The following ANGPT2 variants were observed in gnomAD, a reference collection of about 807,000 sequenced individuals.
ANGPT2 encodes the protein angiopoietin-2.
Under a neutral mutation model 62.9 loss-of-function variants are expected in ANGPT2, and 28 were observed. The ratio of observed to expected loss-of-function variants is 0.44; its 90% CI spans 0.33 to 0.61. The LOEUF is 0.61. ANGPT2 is among the 20% of genes least tolerant of loss of function. ANGPT2 has a pLI of 0.03. For missense variants in ANGPT2, 727 were observed against 594.9 expected, an observed-to-expected ratio of 1.22 and a Z score of -2.31; for synonymous variants, 284 against 207.8, an observed-to-expected ratio of 1.37 and a Z score of -3.15.
intron 1 of ANGPT2, among the ~76,000 whole-genome samples, chr8:6,542,616 T>C (rs1821821414): frequency 6.6e-6 from 1 of 151,800 alleles, no homozygotes; most frequent in African/African-American, 2.4e-5. Context: ...AAAAAAGTGC[T>C]GTCTGAGGAG....
At chr8:6,521,608 G>A (rs143896310) in intron 3 of ANGPT2, among the ~76,000 whole-genome samples, 198 bp from the exon 4 acceptor site, 48 of 152,308 alleles carry the variant, frequency 3.2e-4, no homozygotes, top group African/African-American at 1.1e-3. Context: ...ATATGTAAAC[G>A]TATAAGCATA....
At chr8:6,506,801 C>A (rs941308386) in intron 8 of ANGPT2, among the ~76,000 whole-genome samples, 4 of 149,176 alleles carry the variant, frequency 2.7e-5, no homozygotes, top group African/African-American at 9.9e-5. Context: ...TTTAATGAGG[C>A]CTGATTCTTT....
chr8:6,561,991 G>A (rs559889947), intron 1 of ANGPT2, among the ~76,000 whole-genome samples: 5 of 152,254 alleles, frequency 3.3e-5, no homozygotes, highest in South Asian at 2.1e-4. Flanking sequence ...TGGAACTGAC[G>A]GGGGCTGCAG....
intron 1 of ANGPT2, among the ~76,000 whole-genome samples, chr8:6,543,012 G>A (rs367956503): frequency 6.6e-6 from 1 of 152,190 alleles, no homozygotes; most frequent in Admixed American, 6.5e-5. Context: ...GAGCGGACTT[G>A]GGAATGCTGA....
chr8:6,555,465 C>CT (rs530250678), intron 1 of ANGPT2, among the ~76,000 whole-genome samples: 2,040 of 142,508 alleles, frequency 0.014, 30 homozygotes, highest in Middle Eastern at 0.03. Context: ...GTGGTTTGCC[C>CT]TTTTTTTTTT....
At chr8:6,516,461 C>T (rs1816292622) in intron 5 of ANGPT2, among the ~76,000 whole-genome samples, 1 of 152,146 alleles carries the variant, frequency 6.6e-6, no homozygotes, top group Admixed American at 6.5e-5. Flanking sequence ...CCACTGACAT[C>T]ATGCTGCCAA....
chr8:6,513,966 G>T, intron 6 of ANGPT2, 122 bp from the exon 7 acceptor site: 1 of 963,040 alleles, frequency 1.0e-6, no homozygotes, highest in Non-Finnish European at 1.5e-6. Context: ...TTCTGGTGCT[G>T]TGACAATTTA....
At chr8:6,546,971 G>A (rs996361543) in intron 1 of ANGPT2, among the ~76,000 whole-genome samples, 1 of 152,194 alleles carries the variant, frequency 6.6e-6, no homozygotes, top group Non-Finnish European at 1.5e-5. Context: ...GGTTAGTCCT[G>A]TCTTCTTTCA....
rs1812436139 is a variant in ANGPT2, at chr8:6,502,733, A to T, written c.*368T>A. On this transcript the variant is annotated 3_prime_UTR_variant, in exon 9 of 9. Coordinates refer to ENST00000629816, the MANE Select transcript of ANGPT2 (RefSeq NM_001118887.2). Reference sequence around the variant, plus strand: ...CTCAGAAGAATGCAGTTCCAAGATGATCTGTATTGTATAACATAAGTGTTC... The same window carrying T: ...CTCAGAAGAATGCAGTTCCAAGATGTTCTGTATTGTATAACATAAGTGTTC... The T allele has an allele frequency of 4.3e-6, 1 of 231,864 alleles. No individual in the cohort carries two copies. The highest frequency in any genetic ancestry group is 5.2e-5 in the Admixed American group (1 of 19,312). The allele number at this position is 231,864 out of a possible 1,614,324, so 14.4% of individuals were successfully genotyped here.
At chr8:6,516,560 C>G (rs903574704) in intron 5 of ANGPT2, among the ~76,000 whole-genome samples, 1 of 152,204 alleles carries the variant, frequency 6.6e-6, no homozygotes, top group African/African-American at 2.4e-5. Context: ...AATACTGCCT[C>G]TTATTTGCCT....
Position 6,562,936 on chromosome 8 carries a change from C to G in ANGPT2, c.-2G>C. ...AGTAAAGAAAACAATCTGCCACATT[C>G]TTTCTTCAGTAATAAACCAGCAGCT... On this transcript the variant is annotated 5_prime_UTR_variant, in exon 1 of 9. Coordinates refer to ENST00000629816, the MANE Select transcript of ANGPT2 (RefSeq NM_001118887.2). 4 of 1,581,046 alleles carry G rather than the reference C, an allele frequency of 2.5e-6. No individual in the cohort carries two copies. The highest frequency in any genetic ancestry group is 2.3e-5 in the East Asian group (1 of 44,158).
intron 7 of ANGPT2, among the ~76,000 whole-genome samples, chr8:6,512,600 C>A (rs3020216): frequency 0.37 from 55,794 of 151,968 alleles, 10,464 homozygotes; most frequent in Middle Eastern, 0.49. Flanking sequence ...CTCTGCCCCT[C>A]CCGTTGCACA....
chr8:6,542,759 C>A (rs1030841878), intron 1 of ANGPT2, among the ~76,000 whole-genome samples: 1 of 152,078 alleles, frequency 6.6e-6, no homozygotes, highest in Non-Finnish European at 1.5e-5. Flanking sequence ...GGGTGGAGCT[C>A]TGTGGAGGAG....
intron 7 of ANGPT2, among the ~76,000 whole-genome samples, chr8:6,510,968 CTG>C: frequency 6.6e-6 from 1 of 152,312 alleles, no homozygotes; most frequent in East Asian, 1.9e-4. Context: ...ATACTCATCT[CTG>C]TTGGGATTTT....
chr8:6,499,638 G>C lies in ANGPT2; in HGVS notation c.*3463C>G, dbSNP rs559024813. 5.6e-4 allele frequency: 284 copies of C among 510,318 alleles called. No homozygotes were observed. Among genetic ancestry groups the C allele is most frequent in the Non-Finnish European group, 8.9e-4 (253 of 284,096 alleles). 31.6% of individuals were successfully genotyped at this position (510,318 alleles called of 1,614,324 possible). On this transcript the variant is annotated 3_prime_UTR_variant, in exon 9 of 9. Coordinates refer to ENST00000629816, the MANE Select transcript of ANGPT2 (RefSeq NM_001118887.2). ...ATGAGAATAATGACTCAGATTTCTT[G>C]TTATCGTGAGACTTTTTCTCAATCA...
chr8:6,556,869 G>C (rs368793388), intron 1 of ANGPT2, among the ~76,000 whole-genome samples: 1 of 152,146 alleles, frequency 6.6e-6, no homozygotes, highest in Admixed American at 6.5e-5. Flanking sequence ...GATTACAGGT[G>C]TGAGGCACTG....
At chr8:6,543,362 C>G (rs563128400) in intron 1 of ANGPT2, among the ~76,000 whole-genome samples, 32 of 152,250 alleles carry the variant, frequency 2.1e-4, no homozygotes, top group African/African-American at 7.5e-4. Context: ...CGAACTGCTC[C>G]TCGTCTCCTG....
At chr8:6,514,163 C>G (rs1422628329) in intron 6 of ANGPT2, among the ~76,000 whole-genome samples, 1 of 152,164 alleles carries the variant, frequency 6.6e-6, no homozygotes, top group African/African-American at 2.4e-5. Flanking sequence ...CAAAAAAATG[C>G]TGAGTCCACC....
intron 1 of ANGPT2, among the ~76,000 whole-genome samples, chr8:6,534,264 C>A (rs12115093): frequency 1.3e-5 from 2 of 152,146 alleles, no homozygotes; most frequent in Middle Eastern, 3.4e-3. Context: ...TACAGTATAG[C>A]AACTATTTAC....
Sources: gnomAD v4.1 joint callset for allele counts (sites outside exome capture counted in the v4.1 genomes callset) on GRCh38, gnomAD v4.1.1 for gene constraint, MANE v1.5 for transcripts, NCBI Gene and HGNC (gene_info 2026-07-23, HGNC 2026-07-21) for gene names.